The following UNC13C variants were observed in gnomAD, a reference collection of about 807,000 sequenced individuals.
The protein encoded by UNC13C is unc-13 homolog C.
A neutral mutation model predicts 245.4 loss-of-function variants in UNC13C; 174 were observed. That is an observed-to-expected ratio of 0.71 (90% confidence interval 0.63 to 0.80). UNC13C has a LOEUF of 0.80. Among genes scored for constraint, UNC13C ranks in the 30% least tolerant of loss-of-function variants. UNC13C has a pLI of 0.00. For missense variants in UNC13C, 2,829 were observed against 2,602.9 expected, an observed-to-expected ratio of 1.09 and a Z score of -1.89; for synonymous variants, 992 against 895.1, an observed-to-expected ratio of 1.11 and a Z score of -1.93.
chr15:53,982,733 A>G (rs1893975241), intron 1 of UNC13C, among the ~76,000 whole-genome samples: 1 of 152,098 alleles, frequency 6.6e-6, no homozygotes, highest in Non-Finnish European at 1.5e-5. Flanking sequence ...TCAGTCACCA[A>G]TTGTCTGGGT....
intron 4 of UNC13C, among the ~76,000 whole-genome samples, chr15:54,174,232 T>C (rs73405693): frequency 0.15 from 22,200 of 152,052 alleles, 3,076 homozygotes; most frequent in African/African-American, 0.36. Flanking sequence ...AATAAAGAGG[T>C]ATTCTTTCTT....
chr15:53,850,905 A>T, the UNC13C span, among the ~76,000 whole-genome samples: 1 of 150,884 alleles, frequency 6.6e-6, no homozygotes, highest in Non-Finnish European at 1.5e-5. Context: ...TTCATTTTGG[A>T]AAGTGCTATT....
chr15:54,013,820 A>G lies in UNC13C; in HGVS notation c.917A>G (p.His306Arg). 1.2e-6 allele frequency: 2 copies of G among 1,612,470 alleles called. No homozygotes were observed. The highest frequency in any genetic ancestry group is 1.7e-6 in the Non-Finnish European group (2 of 1,179,396). The part of the protein sequence containing the change: ...VQSRRETRDI[H>R]DYIKHLGHMG... ...TCTCGGAGGGAAACTAGAGACATCC[A>G]TGATTATATTAAGCACTTAGGTCAT... Residue 306 changes from histidine to arginine, a missense_variant, in exon 2 of 33, where the codon CAT (histidine) becomes CGT (arginine). By Grantham distance (29) the His-to-Arg change is conservative. Coordinates refer to ENST00000260323, the MANE Select transcript of UNC13C (RefSeq NM_001080534.3).
chr15:54,620,966 G>T (rs1900762159), intron 30 of UNC13C, among the ~76,000 whole-genome samples: 2 of 152,050 alleles, frequency 1.3e-5, no homozygotes. Flanking sequence ...TCAGTGGTGA[G>T]GGGTCATTGT....
intron 17 of UNC13C, among the ~76,000 whole-genome samples, chr15:54,346,656 G>T (rs1425697627): frequency 6.6e-6 from 1 of 152,236 alleles, no homozygotes; most frequent in Non-Finnish European, 1.5e-5. Flanking sequence ...GTTAGAACAA[G>T]ATAGAAGTGT....
At chr15:53,999,833 G>A (rs564436967) in intron 1 of UNC13C, among the ~76,000 whole-genome samples, 7 of 152,000 alleles carry the variant, frequency 4.6e-5, no homozygotes, top group African/African-American at 1.7e-4. Flanking sequence ...AAAGATAGCT[G>A]TGGAGATGGA....
chr15:53,841,319 C>G, the UNC13C span, among the ~76,000 whole-genome samples: 97 of 152,102 alleles, frequency 6.4e-4, no homozygotes, highest in African/African-American at 2.1e-3. Context: ...TTTGCCATCT[C>G]CCAGTGAAAT....
chr15:54,278,745 A>G (rs2036900151), intron 10 of UNC13C, among the ~76,000 whole-genome samples: 1 of 152,162 alleles, frequency 6.6e-6, no homozygotes, highest in African/African-American at 2.4e-5. Flanking sequence ...ACTGGTCATT[A>G]CACAATCGAG....
At chr15:54,187,784 A>C (rs934834102) in intron 4 of UNC13C, among the ~76,000 whole-genome samples, 2 of 152,034 alleles carry the variant, frequency 1.3e-5, no homozygotes, top group African/African-American at 4.8e-5. Context: ...AAGGCCTACC[A>C]GGATTCACAC....
chr15:54,552,612 A>G (rs1896838521), intron 28 of UNC13C, among the ~76,000 whole-genome samples: 1 of 80,766 alleles, frequency 1.2e-5, no homozygotes. Context: ...ATATAATTAT[A>G]TAATTATATT....
chr15:53,845,687 T>C, the UNC13C span, among the ~76,000 whole-genome samples: 2 of 152,190 alleles, frequency 1.3e-5, no homozygotes, highest in African/African-American at 4.8e-5. Flanking sequence ...TTAATTTAAC[T>C]GTCAGTAAAT....
At chr15:54,234,758 C>T (rs1339332890) in intron 4 of UNC13C, among the ~76,000 whole-genome samples, 1 of 152,184 alleles carries the variant, frequency 6.6e-6, no homozygotes, top group African/African-American at 2.4e-5. Flanking sequence ...CTCTGTGATA[C>T]TAACAGGAAA....
At chr15:54,481,451 A>G (rs1301417998) in intron 19 of UNC13C, among the ~76,000 whole-genome samples, 1 of 152,172 alleles carries the variant, frequency 6.6e-6, no homozygotes, top group African/African-American at 2.4e-5. Flanking sequence ...AGTGGGGGAC[A>G]GGGTGAGCTG....
chr15:54,490,904 T>A (rs1283566855), intron 19 of UNC13C, among the ~76,000 whole-genome samples: 2 of 152,184 alleles, frequency 1.3e-5, no homozygotes, highest in Non-Finnish European at 2.9e-5. Context: ...CGGCAGATCA[T>A]TTCATTATTA....
chr15:53,881,319 C>G, the UNC13C span, among the ~76,000 whole-genome samples: 1 of 152,136 alleles, frequency 6.6e-6, no homozygotes, highest in Admixed American at 6.5e-5. Context: ...GAAATTGTGT[C>G]CAAGCATGTG....
intron 17 of UNC13C, among the ~76,000 whole-genome samples, chr15:54,361,299 A>G (rs1366766483): frequency 6.6e-6 from 1 of 152,090 alleles, no homozygotes; most frequent in East Asian, 1.9e-4. Context: ...CATTGTATTC[A>G]GTATTCTTCA....
intron 16 of UNC13C, 37 bp from the exon 17 acceptor site, chr15:54,338,324 T>G: frequency 6.3e-7 from 1 of 1,599,446 alleles, no homozygotes; most frequent in Non-Finnish European, 8.5e-7. Context: ...AATGTGTCAC[T>G]GTTGCATTTG....
intron 4 of UNC13C, among the ~76,000 whole-genome samples, chr15:54,211,829 C>T (rs1314069575): frequency 6.6e-6 from 1 of 152,108 alleles, no homozygotes; most frequent in Non-Finnish European, 1.5e-5. Context: ...ACCCTGTGAG[C>T]AGGACTGAGG....
chr15:53,886,639 A>C, the UNC13C span, among the ~76,000 whole-genome samples: 9 of 152,324 alleles, frequency 5.9e-5, no homozygotes, highest in East Asian at 1.3e-3. Context: ...AGTTTGGGCT[A>C]TGCATTGTGA....
Sources: allele counts gnomAD v4.1 joint callset (sites outside exome capture counted in the v4.1 genomes callset), GRCh38; gene constraint gnomAD v4.1.1; transcripts MANE v1.5; gene names NCBI Gene and HGNC (gene_info 2026-07-23, HGNC 2026-07-21).